Variants in DNAI7 observed in about 807,000 individuals in gnomAD.
DNAI7 encodes the protein dynein axonemal intermediate chain 7, also known as cancer susceptibility 1.
A neutral mutation model predicts 86.6 loss-of-function variants in DNAI7; 78 were observed. That is an observed-to-expected ratio of 0.90 (90% confidence interval 0.75 to 1.09). The LOEUF (loss-of-function observed/expected upper bound fraction) is 1.09, where lower values mean the gene tolerates loss of function less well. DNAI7 is among the 50% of genes least tolerant of loss of function. The probability of loss-of-function intolerance (pLI) is 0.00; values close to 1 mark genes in which losing one functional copy is unlikely to be tolerated. For missense variants in DNAI7, 753 were observed against 810.2 expected (o/e 0.93, Z 0.86); for synonymous variants, 274 against 273.0 (o/e 1.00, Z -0.04).
chr12:25,194,063 G>GC (rs1234792868), intron 1 of DNAI7, among the ~76,000 whole-genome samples: 2 of 151,796 alleles, frequency 1.3e-5, no homozygotes, highest in African/African-American at 4.8e-5. Flanking sequence ...ATCGTGATCT[G>GC]CCCGCCTCGG....
intron 2 of DNAI7, 36 bp downstream of exon 2, chr12:25,190,578 T>G (rs1250290348): frequency 1.9e-6 from 2 of 1,026,748 alleles, no homozygotes; most frequent in East Asian, 5.1e-5. Flanking sequence ...TGTAAGTGAT[T>G]ATACAACTAT....
intron 5 of DNAI7, 114 bp downstream of exon 5, chr12:25,155,197 G>T (rs1170636175): frequency 1.7e-5 from 9 of 540,362 alleles, no homozygotes; most frequent in Middle Eastern, 5.5e-4. Context: ...TTTGTCAGAT[G>T]AGAGGGTTTT....
At chr12:25,135,738 C>T (rs1943467312) in intron 9 of DNAI7, among the ~76,000 whole-genome samples, 2 of 151,862 alleles carry the variant, frequency 1.3e-5, no homozygotes, top group Admixed American at 6.6e-5. Flanking sequence ...TGACTTTCCC[C>T]CACCTCTCTG....
At chr12:25,173,950 T>TATATATATCATATATATGGAAC (rs1484449873) in intron 2 of DNAI7, among the ~76,000 whole-genome samples, 12 of 143,236 alleles carry the variant, frequency 8.4e-5, no homozygotes, top group Non-Finnish European at 1.9e-4. Flanking sequence ...ATATATGGAA[T>TATATATATCATATATATGGAAC]ACATATATCA....
chr12:25,136,347 C>G (rs1280300674), intron 9 of DNAI7, among the ~76,000 whole-genome samples: 1 of 152,198 alleles, frequency 6.6e-6, no homozygotes, highest in African/African-American at 2.4e-5. Flanking sequence ...GAAGCCTCAT[C>G]TGTAGGGGAA....
chr12:25,182,347 CAAA>C (rs1172587693), intron 2 of DNAI7, among the ~76,000 whole-genome samples: 5 of 63,236 alleles, frequency 7.9e-5, no homozygotes, highest in African/African-American at 5.0e-5. Context: ...AACTTCATCT[CAAA>C]AAAAAAAAAA....
At chr12:25,170,410 G>T (rs966149153) in intron 2 of DNAI7, among the ~76,000 whole-genome samples, 2 of 148,796 alleles carry the variant, frequency 1.3e-5, no homozygotes, top group African/African-American at 4.9e-5. Context: ...AAAAAGCCTC[G>T]TCCAACAGGA....
intron 3 of DNAI7, among the ~76,000 whole-genome samples, chr12:25,160,092 GCTC>G (rs1325341166): frequency 1.3e-5 from 2 of 151,870 alleles, no homozygotes; most frequent in Non-Finnish European, 2.9e-5. Flanking sequence ...CAGCACCAAT[GCTC>G]CTAATTTCTT....
At chr12:25,147,678 C>T (rs1400581975) in intron 7 of DNAI7, among the ~76,000 whole-genome samples, 1 of 152,150 alleles carries the variant, frequency 6.6e-6, no homozygotes, top group Non-Finnish European at 1.5e-5. Context: ...AATAAAGTTG[C>T]TTCTACATTT....
intron 1 of DNAI7, 105 bp downstream of exon 1, chr12:25,194,971 C>T (rs760325266): frequency 1.9e-6 from 3 of 1,614,240 alleles, no homozygotes; most frequent in Non-Finnish European, 2.5e-6. Context: ...CAAACCGACC[C>T]GCTTCGCTGT....
chr12:25,151,994 TAATAGG>T (rs1945604003), intron 6 of DNAI7, among the ~76,000 whole-genome samples: 1 of 152,194 alleles, frequency 6.6e-6, no homozygotes, highest in Non-Finnish European at 1.5e-5. Context: ...TAAAGGATAA[TAATAGG>T]AATAAGAGTA....
At chr12:25,138,392 G>A (rs1943800312) in intron 9 of DNAI7, among the ~76,000 whole-genome samples, 2 of 152,164 alleles carry the variant, frequency 1.3e-5, no homozygotes, top group South Asian at 4.1e-4. Context: ...GAACCCAGGA[G>A]GCAGAGGCTG....
intron 8 of DNAI7, among the ~76,000 whole-genome samples, chr12:25,146,138 C>T (rs10842484): frequency 0.68 from 103,621 of 151,354 alleles, 39,469 homozygotes; most frequent in East Asian, 0.99. Context: ...AGGAGAATCG[C>T]TTGAACACAG....
intron 7 of DNAI7, among the ~76,000 whole-genome samples, chr12:25,148,030 G>A (rs1340454847): frequency 6.6e-6 from 1 of 152,170 alleles, no homozygotes; most frequent in African/African-American, 2.4e-5. Context: ...AAGTAAATAT[G>A]TGGTTGCTAG....
chr12:25,156,697 T>C (rs1250341299), intron 4 of DNAI7, among the ~76,000 whole-genome samples: 1 of 151,754 alleles, frequency 6.6e-6, no homozygotes, highest in Non-Finnish European at 1.5e-5. Context: ...GCCGAGATTA[T>C]GCCATTGCAC....
intron 14 of DNAI7, 22 bp from the exon 15 acceptor site, chr12:25,110,262 G>A (rs749816297): frequency 2.2e-5 from 30 of 1,365,944 alleles, no homozygotes; most frequent in Non-Finnish European, 2.9e-5. Context: ...AAAACAAATA[G>A]AATTGATCTT....
At chr12:25,134,591 A>G (rs1943325253) in intron 9 of DNAI7, among the ~76,000 whole-genome samples, 3 of 151,852 alleles carry the variant, frequency 2.0e-5, no homozygotes, top group Admixed American at 2.0e-4. Flanking sequence ...TCCTGACCTC[A>G]GGTGACCCAC....
intron 2 of DNAI7, among the ~76,000 whole-genome samples, chr12:25,176,669 C>T (rs1948989384): frequency 6.6e-6 from 1 of 151,868 alleles, no homozygotes. Context: ...TCCTTCACCT[C>T]CTATGCCAAA....
At chr12:25,168,757 A>T (rs375929201) in intron 2 of DNAI7, among the ~76,000 whole-genome samples, 4 of 152,168 alleles carry the variant, frequency 2.6e-5, no homozygotes, top group East Asian at 3.8e-4. Flanking sequence ...GCACTCTCTA[A>T]TTAGATGTCC....
Sources: allele counts gnomAD v4.1 joint callset (sites outside exome capture counted in the v4.1 genomes callset), GRCh38; gene constraint gnomAD v4.1.1; transcripts MANE v1.5; gene names NCBI Gene and HGNC (gene_info 2026-07-23, HGNC 2026-07-21).